Variants in EED observed in about 807,000 individuals in gnomAD.
EED encodes the protein polycomb protein EED.
Under a neutral mutation model 61.0 loss-of-function variants are expected in EED, and 9 were observed. The ratio of observed to expected loss-of-function variants is 0.15; its 90% CI spans 0.09 to 0.26. EED has a LOEUF of 0.26. Among genes scored for constraint, EED ranks in the 10% least tolerant of loss-of-function variants. The pLI is 1.00. For synonymous variants in EED, 187 were observed against 174.4 expected, an observed-to-expected ratio of 1.07 and a Z score of -0.57; for missense variants, 315 against 542.3, an observed-to-expected ratio of 0.58 and a Z score of 4.16.
chr11:86,258,746 C>T (rs190617481), intron 6 of EED, among the ~76,000 whole-genome samples: 298 of 150,886 alleles, frequency 2.0e-3, no homozygotes, highest in Non-Finnish European at 3.5e-3. Flanking sequence ...AGTAGAGATA[C>T]GGTTTCTCCA....
At chr11:86,253,869 G>A (rs1174140114) in intron 3 of EED, among the ~76,000 whole-genome samples, 2 of 151,702 alleles carry the variant, frequency 1.3e-5, no homozygotes, top group African/African-American at 4.8e-5. Context: ...CCAACGTGGT[G>A]AAACCCTGTC....
In EED at chr11:86,245,832, GT is replaced by G. The variant is rs1157132598; in HGVS notation, c.114+493del. 9.2e-5 allele frequency among the ~76,000 whole-genome samples: 14 copies of G among 152,274 alleles called. No homozygotes were observed. The East Asian group carries it at 2.5e-3, about 27-fold the overall frequency. ...AGTTTGGGAGACTTTATTAAAGGGG[GT>G]TTTGTGTCCGCCTCCGTCCTGTCCG... is the stretch of plus-strand genomic sequence containing the variant. On this transcript the variant is annotated intron_variant, in intron 1 of 11. Coordinates refer to ENST00000263360, the MANE Select transcript of EED (RefSeq NM_003797.5).
chr11:86,257,081 G>A (rs1210767183), intron 5 of EED, among the ~76,000 whole-genome samples: 2 of 150,964 alleles, frequency 1.3e-5, no homozygotes, highest in Non-Finnish European at 2.9e-5. Context: ...TCCTTTGCCC[G>A]GGCTGGAATG....
chr11:86,253,588 CAT>C (rs1354688933), intron 3 of EED, among the ~76,000 whole-genome samples: 1 of 152,106 alleles, frequency 6.6e-6, no homozygotes, highest in Non-Finnish European at 1.5e-5. Context: ...ACAATTACCA[CAT>C]AAGACATAAC....
intron 5 of EED, among the ~76,000 whole-genome samples, chr11:86,257,168 T>TG (rs1240021813): frequency 1.4e-5 from 2 of 147,362 alleles, no homozygotes; most frequent in African/African-American, 5.0e-5. Context: ...CTCAAGTAGC[T>TG]GGGGCCAATT....
rs1365726912 is a variant in EED at position 86,271,956 on chromosome 11, C to G, written c.966+3395C>G. Among the ~76,000 whole-genome samples the G allele has an allele frequency of 5.8e-5, 8 of 137,738 alleles. No homozygotes were observed. The East Asian group carries it at 1.6e-3, about 27-fold the overall frequency. The allele number at this position is 137,738 out of a possible 152,430, so 90.4% of individuals were successfully genotyped here. On this transcript the variant is annotated intron_variant, in intron 9 of 11. Transcript: ENST00000263360. ...CTGGTCTTAACTTTTTTTTTTGGTA[C>G]TGTTTTTTCTGGTTTTGGTATTAGT... is the stretch of plus-strand genomic sequence containing the variant.
chr11:86,283,050 A>G (rs1423649910), downstream of EED, among the ~76,000 whole-genome samples: 1 of 152,090 alleles, frequency 6.6e-6, no homozygotes, highest in Non-Finnish European at 1.5e-5. Context: ...AGGAGGGAAA[A>G]AAAAGAACAA....
chr11:86,270,644 A>G (rs1227228192), intron 9 of EED, among the ~76,000 whole-genome samples: 1 of 152,134 alleles, frequency 6.6e-6, no homozygotes, highest in East Asian at 1.9e-4. Context: ...TAAAAGTTTT[A>G]TACTGCTATG....
intron 8 of EED, among the ~76,000 whole-genome samples, chr11:86,267,219 A>G (rs912185712): frequency 1.3e-5 from 2 of 152,208 alleles, no homozygotes; most frequent in African/African-American, 4.8e-5. Flanking sequence ...AAAGCAATTA[A>G]TATAATTATA....
chr11:86,263,358 C>G (rs551974370), intron 6 of EED, among the ~76,000 whole-genome samples: 108 of 152,326 alleles, frequency 7.1e-4, no homozygotes, highest in Non-Finnish European at 1.3e-3. Flanking sequence ...CCTCCAGATT[C>G]TTCCAGCCTC....
chr11:86,260,447 T>C (rs1298300656), intron 6 of EED, among the ~76,000 whole-genome samples: 1 of 152,180 alleles, frequency 6.6e-6, no homozygotes, highest in Admixed American at 6.5e-5. Flanking sequence ...CAACCTGGTC[T>C]CAAACTCCTG....
At chr11:86,251,334 A>G (rs747293147) in intron 2 of EED, among the ~76,000 whole-genome samples, 1 of 152,184 alleles carries the variant, frequency 6.6e-6, no homozygotes, top group Non-Finnish European at 1.5e-5. Flanking sequence ...ATTTATTTAC[A>G]TTAACGTACT....
intron 7 of EED, chr11:86,264,899 T>G (rs1439596335): frequency 6.6e-6 from 1 of 152,226 alleles, no homozygotes. Flanking sequence ...TCTCTTAGGT[T>G]GTTTTCCATT....
downstream of EED, among the ~76,000 whole-genome samples, chr11:86,279,168 CAG>C (rs1195844076): frequency 6.6e-6 from 1 of 152,138 alleles, no homozygotes; most frequent in African/African-American, 2.4e-5. Flanking sequence ...TAAAATTCTA[CAG>C]AGTTAGAACC....
intron 1 of EED, among the ~76,000 whole-genome samples, chr11:86,247,932 T>C (rs1593716728): frequency 1.3e-5 from 2 of 152,362 alleles, no homozygotes; most frequent in South Asian, 4.1e-4. Context: ...ATTGAACTTT[T>C]TGAGATCATA....
intron 9 of EED, among the ~76,000 whole-genome samples, chr11:86,273,344 A>C (rs753340449): frequency 2.0e-5 from 3 of 152,222 alleles, no homozygotes; most frequent in Non-Finnish European, 4.4e-5. Context: ...CCTTCCCTTT[A>C]CATCACTTTA....
At position 86,245,245 on chromosome 11, in the gene EED, G is replaced by A. The variant is rs377098118; in HGVS notation, c.16G>A (p.Val6Met). The change falls in exon 1 of 12, where the codon GTG (valine) becomes ATG (methionine). Residue 6 changes from valine (V) to methionine (M), a missense_variant. By Grantham distance (21) the Val-to-Met change is conservative (BLOSUM62 1). Around this residue, in one of 2 missense-constraint regions of EED, gnomAD observed 110 missense variants for 86.9 expected, o/e 1.27. Transcript: ENST00000263360. ...GCGGAGGAATATGTCCGAGAGGGAA[G>A]TGTCGACTGCGCCGGCGGGAACAGA... MSERE[V>M]STAPAGTDMP... The A allele has an allele frequency of 2.7e-5, 44 of 1,613,342 alleles. No individual in the cohort carries two copies. The highest frequency in any genetic ancestry group is 3.6e-5 in the Non-Finnish European group (43 of 1,179,922).
the EED span, among the ~76,000 whole-genome samples, chr11:86,287,394 T>G: frequency 1.3e-5 from 2 of 152,232 alleles, no homozygotes; most frequent in African/African-American, 2.4e-5. Context: ...GGAATTGAGC[T>G]GGTGGATTTC....
intron 6 of EED, 25 bp downstream of exon 6, chr11:86,257,621 G>T: frequency 6.3e-7 from 1 of 1,579,668 alleles, no homozygotes; most frequent in Non-Finnish European, 8.6e-7. Flanking sequence ...TGTTTCTTGA[G>T]TCTGTGCAAT....
Sources: allele counts gnomAD v4.1 joint callset (sites outside exome capture counted in the v4.1 genomes callset), GRCh38; gene constraint gnomAD v4.1.1; regional missense constraint gnomAD v4.1.1; transcripts MANE v1.5; gene names NCBI Gene and HGNC (gene_info 2026-07-23, HGNC 2026-07-21).